The following MAB21L2 variants were observed in gnomAD, a reference collection of about 807,000 sequenced individuals.
The protein encoded by MAB21L2 is protein mab-21-like 2.
MAB21L2 carries 15 observed loss-of-function variants against 29.8 expected under a neutral mutation model. The observed-to-expected ratio is 0.50, with a 90% CI of 0.34 to 0.78. The LOEUF (loss-of-function observed/expected upper bound fraction) is 0.78, where lower values mean the gene tolerates loss of function less well. MAB21L2 is among the 30% of genes least tolerant of loss of function. The pLI is 0.01. For synonymous variants in MAB21L2, 218 were observed against 210.4 expected (o/e 1.04, Z -0.31); for missense variants, 321 against 480.1 (o/e 0.67, Z 3.10).
rs778567095 is a variant in MAB21L2, at chr4:150,583,167, G to A, written c.138G>A (p.Glu46=). The A allele has an allele frequency of 3.7e-6, 6 of 1,614,240 alleles. No individual in the cohort carries two copies. Among genetic ancestry groups the A allele is most frequent in the Non-Finnish European group, 5.1e-6 (6 of 1,180,030 alleles). Residue 46 remains glutamate, a synonymous_variant, in exon 1 of 1, where the codon GAG becomes GAA. Transcript: ENST00000317605. This position sits in a 1 kb window ranked among gnomAD's most constrained non-coding sequence, Gnocchi z 9.8. ...TCTCGGACGTGCTCAAGGAAGTGGA[G>A]GTGCAGGAGCCTCGCTTCATCAGCT... is the stretch of plus-strand genomic sequence containing the variant. ...KVVSDVLKEV[E]VQEPRFISSL... is the part of the protein sequence containing the mutation.
At position 150,584,084 on chromosome 4, in the gene MAB21L2, A is replaced by G; in HGVS notation, c.1055A>G (p.Asn352Ser). Residue 352 changes from asparagine (N) to serine (S), a missense_variant, in exon 1 of 1, where the codon AAT becomes AGT. By Grantham distance (46) the Asn-to-Ser change is conservative (BLOSUM62 1). Coordinates refer to ENST00000317605, the MANE Select transcript of MAB21L2 (RefSeq NM_006439.5). The stretch of plus-strand genomic sequence containing the variant: ...AGGTTGGCCAGGGAAATTCTCACCA[A>G]TCCCAAAAGCCTGGACAAACTATAG... ...TWRLAREILT[N>S]PKSLDKL 6.4e-7 allele frequency: 1 copy of G among 1,553,020 alleles called. No homozygotes were observed. The highest frequency in any genetic ancestry group is 2.3e-5 in the East Asian group (1 of 44,356).
Position 150,583,523 on chromosome 4 carries a change from G to A in MAB21L2, c.494G>A (p.Arg165His), listed in dbSNP as rs745962364. ...TSEVKLRIRERYVVQITPAFK... is the reference protein window; with the variant it reads ...TSEVKLRIREHYVVQITPAFK... ...GAGGTCAAGTTGCGCATCAGGGAGCGCTATGTGGTGCAAATCACTCCGGCG... is the reference window on the plus strand; with the variant it reads ...GAGGTCAAGTTGCGCATCAGGGAGCACTATGTGGTGCAAATCACTCCGGCG... Residue 165 changes from arginine to histidine, a missense_variant, in exon 1 of 1, where the codon CGC (arginine) becomes CAC (histidine). Arg to His is a conservative substitution (Grantham distance 29, BLOSUM62 0). Transcript: ENST00000317605. This position sits in a 1 kb window ranked among gnomAD's most constrained non-coding sequence, Gnocchi z 9.8. The A allele has an allele frequency of 2.5e-6, 4 of 1,613,774 alleles. No individual in the cohort carries two copies. The South Asian group carries it at 3.3e-5, about 13-fold the overall frequency.
chr4:150,583,185 C>T lies in MAB21L2; in HGVS notation c.156C>T (p.Phe52=). The change falls in exon 1 of 1, where the codon TTC becomes TTT. Residue 52 remains phenylalanine (F), a synonymous_variant. Coordinates refer to ENST00000317605, the MANE Select transcript of MAB21L2 (RefSeq NM_006439.5). This position sits in a 1 kb window ranked among gnomAD's most constrained non-coding sequence, Gnocchi z 9.8. ...AAGTGGAGGTGCAGGAGCCTCGCTT[C>T]ATCAGCTCCTTGAGCGAGATCGATG... ...LKEVEVQEPR[F]ISSLSEIDAR... 1 of 1,614,220 alleles carries T rather than the reference C, an allele frequency of 6.2e-7. No individual in the cohort carries two copies. The highest frequency in any genetic ancestry group is 1.1e-5 in the South Asian group (1 of 91,078).
In MAB21L2 at chr4:150,583,053, G is replaced by C; in HGVS notation, c.24G>C (p.Leu8=). The part of the protein sequence containing the change: MIAAQAK[L]VYQLNKYYTE... ...ACATGATCGCCGCTCAGGCCAAGCT[G>C]GTTTACCAGCTCAATAAGTACTACA... The change falls in exon 1 of 1, where the codon CTG becomes CTC. Residue 8 remains leucine (L), a synonymous_variant. Coordinates refer to ENST00000317605, the MANE Select transcript of MAB21L2 (RefSeq NM_006439.5). This position sits in a 1 kb window ranked among gnomAD's most constrained non-coding sequence, Gnocchi z 9.8. The C allele has an allele frequency of 6.2e-7, 1 of 1,608,062 alleles. No homozygotes were observed. Among genetic ancestry groups the C allele is most frequent in the Non-Finnish European group, 8.5e-7 (1 of 1,176,362 alleles).
At position 150,582,276 on chromosome 4, in the gene MAB21L2, A is replaced by T. The variant is rs1365914137; in HGVS notation, c.-754A>T. On this transcript the variant is annotated 5_prime_UTR_variant, in exon 1 of 1. Transcript: ENST00000317605. ...GGTTTGCACCTAAAGAAACACAAGGAGAACCCACTACAAACAAACAAACCC... is the reference window on the plus strand; with the variant it reads ...GGTTTGCACCTAAAGAAACACAAGGTGAACCCACTACAAACAAACAAACCC... 6.6e-6 allele frequency: 1 copy of T among 152,162 alleles called. No homozygotes were observed. Among genetic ancestry groups the T allele is most frequent in the South Asian group, 2.1e-4 (1 of 4,804 alleles). 9.4% of individuals were successfully genotyped at this position (152,162 alleles called of 1,614,324 possible).
chr4:150,582,668 T>C lies in MAB21L2; in HGVS notation c.-362T>C. Reference sequence around the variant, plus strand: ...GACATCTAAGCCTAACCTTTTGGTATCCTGAGTTTTTTCCCTCTCCTTCTC... The same window carrying C: ...GACATCTAAGCCTAACCTTTTGGTACCCTGAGTTTTTTCCCTCTCCTTCTC... On this transcript the variant is annotated 5_prime_UTR_variant, in exon 1 of 1. Coordinates refer to ENST00000317605, the MANE Select transcript of MAB21L2 (RefSeq NM_006439.5). 1 of 202,400 alleles carries C rather than the reference T, an allele frequency of 4.9e-6. No homozygotes were observed. Among genetic ancestry groups the C allele is most frequent in the Non-Finnish European group, 1.0e-5 (1 of 99,694 alleles). The allele number at this position is 202,400 out of a possible 1,614,324, so 12.5% of individuals were successfully genotyped here. A position where few individuals can be genotyped will look rare whatever the true frequency, so the allele number is the denominator to read the frequency against.
Position 150,583,386 on chromosome 4 carries a change from G to A in MAB21L2, c.357G>A (p.Ala119=), listed in dbSNP as rs767785923. The part of the protein sequence containing the change: ...SMSLWVEFIT[A]SGYLSARKIR... ...CTCTCTGGGTCGAGTTCATCACGGCGTCGGGCTATCTCTCAGCGCGTAAGA... is the reference window on the plus strand; with the variant it reads ...CTCTCTGGGTCGAGTTCATCACGGCATCGGGCTATCTCTCAGCGCGTAAGA... Residue 119 remains alanine, a synonymous_variant, in exon 1 of 1, where the codon GCG becomes GCA. Transcript: ENST00000317605. The surrounding 1 kb of genome is among the most constrained non-coding windows in gnomAD (Gnocchi z 9.8). 2 of 1,614,088 alleles carry A rather than the reference G, an allele frequency of 1.2e-6. No individual in the cohort carries two copies. Among genetic ancestry groups the A allele is most frequent in the Admixed American group, 3.3e-5 (2 of 60,034 alleles).
rs587777513 is a variant in MAB21L2, at chr4:150,583,174, G to A, written c.145G>A (p.Glu49Lys). The A allele has an allele frequency of 6.2e-7, 1 of 1,614,232 alleles. No individual in the cohort carries two copies. Among genetic ancestry groups the A allele is most frequent in the Non-Finnish European group, 8.5e-7 (1 of 1,180,026 alleles). The change falls in exon 1 of 1, where the codon GAG (glutamate) becomes AAG (lysine). Residue 49 changes from glutamate (E) to lysine (K), a missense_variant. Glu to Lys is a moderately conservative substitution (Grantham distance 56). Coordinates refer to ENST00000317605, the MANE Select transcript of MAB21L2 (RefSeq NM_006439.5). This position sits in a 1 kb window ranked among gnomAD's most constrained non-coding sequence, Gnocchi z 9.8. Reference sequence around the variant, plus strand: ...CGTGCTCAAGGAAGTGGAGGTGCAGGAGCCTCGCTTCATCAGCTCCTTGAG... The same window carrying A: ...CGTGCTCAAGGAAGTGGAGGTGCAGAAGCCTCGCTTCATCAGCTCCTTGAG... ...SDVLKEVEVQEPRFISSLSEI... is the reference protein window; with the variant it reads ...SDVLKEVEVQKPRFISSLSEI...
In MAB21L2 at chr4:150,584,136, C is replaced by T; in HGVS notation, c.*27C>T. The T allele has an allele frequency of 6.6e-7, 1 of 1,504,340 alleles. No homozygotes were observed. The highest frequency in any genetic ancestry group is 1.4e-5 in the South Asian group (1 of 72,088). The allele number at this position is 1,504,340 out of a possible 1,614,324, so 93.2% of individuals were successfully genotyped here. On this transcript the variant is annotated 3_prime_UTR_variant, in exon 1 of 1. Transcript: ENST00000317605. Reference sequence around the variant, plus strand: ...GTGCTGGGGACTGCTTGAAAAGCGACACAAACGGGCGTGCTCTCTCAGACA... The same window carrying T: ...GTGCTGGGGACTGCTTGAAAAGCGATACAAACGGGCGTGCTCTCTCAGACA...
rs1771659749 is a variant in MAB21L2, at chr4:150,583,395, T to C, written c.366T>C (p.Tyr122=). Reference sequence around the variant, plus strand: ...TCGAGTTCATCACGGCGTCGGGCTATCTCTCAGCGCGTAAGATCCGCTCGC... The same window carrying C: ...TCGAGTTCATCACGGCGTCGGGCTACCTCTCAGCGCGTAAGATCCGCTCGC... The part of the protein sequence containing the change: ...LWVEFITASG[Y]LSARKIRSRF... Residue 122 remains tyrosine, a synonymous_variant, in exon 1 of 1, where the codon TAT becomes TAC. Transcript: ENST00000317605. This position sits in a 1 kb window ranked among gnomAD's most constrained non-coding sequence, Gnocchi z 9.8. The C allele has an allele frequency of 6.2e-7, 1 of 1,613,926 alleles. No individual in the cohort carries two copies.
In MAB21L2 at chr4:150,583,465, C is replaced by T. The variant is rs1771668835; in HGVS notation, c.436C>T (p.Arg146Trp). The change falls in exon 1 of 1, where the codon CGG (arginine) becomes TGG (tryptophan). Residue 146 changes from arginine to tryptophan, a missense_variant. Arg to Trp is a moderately radical substitution (Grantham distance 101, BLOSUM62 -3). Coordinates refer to ENST00000317605, the MANE Select transcript of MAB21L2 (RefSeq NM_006439.5). This position sits in a 1 kb window ranked among gnomAD's most constrained non-coding sequence, Gnocchi z 9.8. ...CCAGGCGGTGGACAAGTGCAGCTAT[C>T]GGGATGTGGTCAAGATGATCGCGGA... ...VAQAVDKCSY[R>W]DVVKMIADTS... 2 of 1,613,700 alleles carry T rather than the reference C, an allele frequency of 1.2e-6. No individual in the cohort carries two copies. Among genetic ancestry groups the T allele is most frequent in the African/African-American group, 1.3e-5 (1 of 74,916 alleles).
chr4:150,583,602 C>T lies in MAB21L2; in HGVS notation c.573C>T (p.His191=). Residue 191 remains histidine, a synonymous_variant, in exon 1 of 1, where the codon CAC becomes CAT. Coordinates refer to ENST00000317605, the MANE Select transcript of MAB21L2 (RefSeq NM_006439.5). The surrounding 1 kb of genome is among the most constrained non-coding windows in gnomAD (Gnocchi z 9.8). ...PRSAAQWPMP[H]IPWPGPNRVA... is the part of the protein sequence containing the mutation. ...GCGCGGCACAGTGGCCTATGCCCCACATCCCTTGGCCCGGCCCCAATCGGG... is the reference window on the plus strand; with the variant it reads ...GCGCGGCACAGTGGCCTATGCCCCATATCCCTTGGCCCGGCCCCAATCGGG... The T allele has an allele frequency of 6.2e-7, 1 of 1,614,040 alleles. No homozygotes were observed. The highest frequency in any genetic ancestry group is 8.5e-7 in the Non-Finnish European group (1 of 1,180,014).
At position 150,583,888 on chromosome 4, in the gene MAB21L2, C is replaced by G. The variant is rs1771742907; in HGVS notation, c.859C>G (p.Arg287Gly). Residue 287 changes from arginine to glycine, a missense_variant, in exon 1 of 1, where the codon CGA (arginine) becomes GGA (glycine). Coordinates refer to ENST00000317605, the MANE Select transcript of MAB21L2 (RefSeq NM_006439.5). This position sits in a 1 kb window ranked among gnomAD's most constrained non-coding sequence, Gnocchi z 9.8. ...LLLYECEKHPRETDWDESCLG... is the reference protein window; with the variant it reads ...LLLYECEKHPGETDWDESCLG... ...GCTGTACGAGTGCGAGAAACACCCA[C>G]GAGAAACGGACTGGGACGAGTCGTG... 1.2e-6 allele frequency: 2 copies of G among 1,613,364 alleles called. No homozygotes were observed. The highest frequency in any genetic ancestry group is 2.2e-5 in the East Asian group (1 of 44,882).
Position 150,583,123 on chromosome 4 carries a change from C to T in MAB21L2, c.94C>T (p.Arg32Ter), listed in dbSNP as rs1350712084. The T allele has an allele frequency of 6.2e-7, 1 of 1,614,090 alleles. No homozygotes were observed. Among genetic ancestry groups the T allele is most frequent in the Non-Finnish European group, 8.5e-7 (1 of 1,180,026 alleles). The stretch of plus-strand genomic sequence containing the variant: ...CAAGGCGGCCATCGCCAAAACCATC[C>T]GAGAGGTCTGTAAGGTGGTCTCGGA... ...ARKAAIAKTI[R>*]EVCKVVSDVL... is the part of the protein sequence containing the mutation. Residue 32 changes from arginine to a stop codon, truncating the protein, a stop_gained, in exon 1 of 1, where the codon CGA becomes TGA. Transcript: ENST00000317605. LOFTEE classifies it high-confidence loss of function. The surrounding 1 kb of genome is among the most constrained non-coding windows in gnomAD (Gnocchi z 9.8).
In MAB21L2 at chr4:150,583,319, G is replaced by A. The variant is rs760455579; in HGVS notation, c.290G>A (p.Cys97Tyr). Residue 97 changes from cysteine to tyrosine, a missense_variant, in exon 1 of 1, where the codon TGC becomes TAC. Coordinates refer to ENST00000317605, the MANE Select transcript of MAB21L2 (RefSeq NM_006439.5). The surrounding 1 kb of genome is among the most constrained non-coding windows in gnomAD (Gnocchi z 9.8). ...GTGGACGACGGCTCGCTGCCCGGCT[G>A]CGCAGTGCTCAAACTGAGCGATGGG... ...NFVDDGSLPGCAVLKLSDGRK... is the reference protein window; with the variant it reads ...NFVDDGSLPGYAVLKLSDGRK... 97 of 1,614,108 alleles carry A rather than the reference G, an allele frequency of 6.0e-5. No homozygotes were observed. Among genetic ancestry groups the A allele is most frequent in the Non-Finnish European group, 7.9e-5 (93 of 1,180,058 alleles).
Position 150,584,134 on chromosome 4 carries a change from G to T in MAB21L2, c.*25G>T. ...GGGTGCTGGGGACTGCTTGAAAAGCGACACAAACGGGCGTGCTCTCTCAGA... is the reference window on the plus strand; with the variant it reads ...GGGTGCTGGGGACTGCTTGAAAAGCTACACAAACGGGCGTGCTCTCTCAGA... On this transcript the variant is annotated 3_prime_UTR_variant, in exon 1 of 1. Coordinates refer to ENST00000317605, the MANE Select transcript of MAB21L2 (RefSeq NM_006439.5). 6.6e-7 allele frequency: 1 copy of T among 1,504,394 alleles called. No homozygotes were observed. The highest frequency in any genetic ancestry group is 1.4e-5 in the South Asian group (1 of 72,050). The allele number at this position is 1,504,394 out of a possible 1,614,324, so 93.2% of individuals were successfully genotyped here.
Position 150,584,078 on chromosome 4 carries a change from T to G in MAB21L2, c.1049T>G (p.Leu350Arg), listed in dbSNP as rs1475376233. 6.4e-7 allele frequency: 1 copy of G among 1,556,662 alleles called. No homozygotes were observed. Among genetic ancestry groups the G allele is most frequent in the Non-Finnish European group, 8.7e-7 (1 of 1,151,952 alleles). ...KQTWRLAREILTNPKSLDKL is the reference protein window; with the variant it reads ...KQTWRLAREIRTNPKSLDKL ...ACCTGGAGGTTGGCCAGGGAAATTC[T>G]CACCAATCCCAAAAGCCTGGACAAA... is the stretch of plus-strand genomic sequence containing the variant. Residue 350 changes from leucine (L) to arginine (R), a missense_variant, in exon 1 of 1, where the codon CTC becomes CGC. Transcript: ENST00000317605.
chr4:150,583,849 A>T lies in MAB21L2; in HGVS notation c.820A>T (p.Met274Leu). 1 of 1,614,170 alleles carries T rather than the reference A, an allele frequency of 6.2e-7. No individual in the cohort carries two copies. Among genetic ancestry groups the T allele is most frequent in the African/African-American group, 1.3e-5 (1 of 75,058 alleles). ...CGGCCAGCCGCTCAACAACTACCAC[A>T]TGAAGACGCTGCTGCTGTACGAGTG... ...LPGQPLNNYH[M>L]KTLLLYECEK... The change falls in exon 1 of 1, where the codon ATG becomes TTG. Residue 274 changes from methionine to leucine, a missense_variant. Physicochemically the swap from Met to Leu is conservative, Grantham distance 15 (BLOSUM62 2). Transcript: ENST00000317605. The surrounding 1 kb of genome is among the most constrained non-coding windows in gnomAD (Gnocchi z 9.8).
Position 150,583,533 on chromosome 4 carries a change from G to A in MAB21L2, c.504G>A (p.Val168=). 1 of 1,613,902 alleles carries A rather than the reference G, an allele frequency of 6.2e-7. No homozygotes were observed. The highest frequency in any genetic ancestry group is 1.1e-5 in the South Asian group (1 of 91,076). The part of the protein sequence containing the change: ...VKLRIRERYV[V]QITPAFKCTG... ...TGCGCATCAGGGAGCGCTATGTGGT[G>A]CAAATCACTCCGGCGTTCAAGTGCA... Residue 168 remains valine (V), a synonymous_variant, in exon 1 of 1, where the codon GTG becomes GTA. Transcript: ENST00000317605. The surrounding 1 kb of genome is among the most constrained non-coding windows in gnomAD (Gnocchi z 9.8).
Sources: gnomAD v4.1 joint callset for allele counts on GRCh38, gnomAD v4.1.1 for gene constraint, Gnocchi (gnomAD v3.1) non-coding constraint, MANE v1.5 for transcripts, NCBI Gene and HGNC (gene_info 2026-07-23, HGNC 2026-07-21) for gene names.